The following NBEA variants were observed in gnomAD, a reference collection of about 807,000 sequenced individuals.
The protein encoded by NBEA is lysosomal-trafficking regulator 2.
Under a neutral mutation model 343.4 loss-of-function variants are expected in NBEA, and 44 were observed. The observed-to-expected ratio is 0.13, with a 90% CI of 0.10 to 0.16. The LOEUF is 0.16. Among genes scored for constraint, NBEA ranks in the 10% least tolerant of loss-of-function variants. The pLI is 1.00. For synonymous variants in NBEA, 1,175 were observed against 1,238.7 expected (o/e 0.95, Z 1.08); for missense variants, 2,555 against 3,631.3 (o/e 0.70, Z 7.62).
chr13:35,025,860 G>A (rs1479400032), intron 1 of NBEA, among the ~76,000 whole-genome samples: 1 of 151,966 alleles, frequency 6.6e-6, no homozygotes, highest in African/African-American at 2.4e-5. Context: ...GTTCTTTTCT[G>A]TTTTAATCTG....
chr13:35,431,325 G>A (rs1022035118), intron 38 of NBEA, among the ~76,000 whole-genome samples: 1 of 151,852 alleles, frequency 6.6e-6, no homozygotes, highest in African/African-American at 2.4e-5. Flanking sequence ...GTGCTGCTCT[G>A]GAAAATTAGA....
At position 35,352,199 on chromosome 13, in the gene NBEA, A is replaced by G. The variant is rs2040234443; in HGVS notation, c.6055A>G (p.Lys2019Glu). 2.0e-6 allele frequency: 3 copies of G among 1,535,580 alleles called. No homozygotes were observed. The highest frequency in any genetic ancestry group is 2.6e-6 in the Non-Finnish European group (3 of 1,135,898). Residue 2019 changes from lysine to glutamate, a missense_variant, in exon 38 of 59, where the codon AAG becomes GAG. By Grantham distance (56) the Lys-to-Glu change is moderately conservative. Around this residue, in one of 21 missense-constraint regions of NBEA, gnomAD observed 246 missense variants for 313.7 expected, o/e 0.78. Coordinates refer to ENST00000379939, the MANE Select transcript of NBEA (RefSeq NM_001385012.1). ...TGCTGCTGATAGAAGAGAGGAAGAAAAGATGTGTGACCATCTTATCAGTGC... is the reference window on the plus strand; with the variant it reads ...TGCTGCTGATAGAAGAGAGGAAGAAGAGATGTGTGACCATCTTATCAGTGC... ...QYAADRREEE[K>E]MCDHLISAAK...
chr13:35,226,972 T>C (rs1173376869), intron 33 of NBEA, among the ~76,000 whole-genome samples: 3 of 152,166 alleles, frequency 2.0e-5, no homozygotes, highest in Non-Finnish European at 4.4e-5. Context: ...CAGTAAACTT[T>C]TTACTTATAA....
At position 35,476,327 on chromosome 13, in the gene NBEA, CTG is replaced by C; in HGVS notation, c.6585+3792_6585+3793del. 3 of 1,200,544 alleles carry C rather than the reference CTG, an allele frequency of 2.5e-6. No individual in the cohort carries two copies. The South Asian group carries it at 4.1e-5, about 16-fold the overall frequency. 74.4% of individuals were successfully genotyped at this position (1,200,544 alleles called of 1,614,324 possible). On this transcript the variant is annotated intron_variant, in intron 41 of 58. Transcript: ENST00000379939. ...GCTGCTGCTGCTGCTGCTGCTGCTG[CTG>C]CTGCTGCTGCTGCTGCTGCTGCTGC...
chr13:35,268,680 T>C (rs1329249921), intron 34 of NBEA, among the ~76,000 whole-genome samples: 1 of 152,100 alleles, frequency 6.6e-6, no homozygotes, highest in Non-Finnish European at 1.5e-5. Context: ...CCTCTGAACA[T>C]TATCATTTTG....
chr13:35,425,350 T>C (rs572946607), intron 38 of NBEA, among the ~76,000 whole-genome samples: 3 of 152,334 alleles, frequency 2.0e-5, no homozygotes, highest in African/African-American at 7.2e-5. Flanking sequence ...TGTTGTGTCT[T>C]TGTTCTCATT....
chr13:35,133,883 A>G (rs1314926623), intron 17 of NBEA, among the ~76,000 whole-genome samples: 1 of 152,012 alleles, frequency 6.6e-6, no homozygotes. Flanking sequence ...GTATCCAGAA[A>G]TACTTACTAA....
chr13:35,055,909 C>G, intron 6 of NBEA, 101 bp from the exon 7 acceptor site: 1 of 890,086 alleles, frequency 1.1e-6, no homozygotes, highest in Non-Finnish European at 1.6e-6. Flanking sequence ...CTTAATAGTC[C>G]TGTCAGCATA....
rs754993135 is a variant in NBEA, at chr13:35,232,629, C to T, written c.5776+10C>T. 2 of 1,467,538 alleles carry T rather than the reference C, an allele frequency of 1.4e-6. No homozygotes were observed. The highest frequency in any genetic ancestry group is 1.8e-6 in the Non-Finnish European group (2 of 1,096,280). 90.9% of individuals were successfully genotyped at this position (1,467,538 alleles called of 1,614,324 possible). Reference sequence around the variant, plus strand: ...GAGCTATTGATAGAAGGTATGATTTCTCTATTATAATTATTTTAGTTTCCT... The same window carrying T: ...GAGCTATTGATAGAAGGTATGATTTTTCTATTATAATTATTTTAGTTTCCT... On this transcript the variant is annotated intron_variant, in intron 34 of 58. Transcript: ENST00000379939.
intron 2 of NBEA, 129 bp from the exon 3 acceptor site, chr13:35,044,817 TA>T (rs2062786657): frequency 2.9e-6 from 1 of 348,734 alleles, no homozygotes; most frequent in African/African-American, 2.3e-5. Context: ...ATTAGATACA[TA>T]TATATATATA....
chr13:35,649,892 C>T (rs373476268), intron 52 of NBEA, 45 bp downstream of exon 52: 1 of 1,540,602 alleles, frequency 6.5e-7, no homozygotes, highest in Non-Finnish European at 8.7e-7. Context: ...TTCTTAAAAG[C>T]TACAATTAAA....
At chr13:34,970,496 C>T (rs905859314) in intron 1 of NBEA, among the ~76,000 whole-genome samples, 1 of 151,964 alleles carries the variant, frequency 6.6e-6, no homozygotes, top group Non-Finnish European at 1.5e-5. Context: ...TTGTCTTTCA[C>T]AGTTTTTATA....
intron 31 of NBEA, among the ~76,000 whole-genome samples, chr13:35,207,572 A>G (rs1438458216): frequency 6.6e-6 from 1 of 152,178 alleles, no homozygotes; most frequent in African/African-American, 2.4e-5. Flanking sequence ...AAGTTAGAGA[A>G]GTAGTTTCTT....
At chr13:35,206,076 T>A (rs185809050) in intron 31 of NBEA, among the ~76,000 whole-genome samples, 1 of 152,260 alleles carries the variant, frequency 6.6e-6, no homozygotes, top group African/African-American at 2.4e-5. Context: ...CATCAATTGC[T>A]ATTAATTCAG....
intron 36 of NBEA, among the ~76,000 whole-genome samples, chr13:35,343,158 G>C (rs968398921): frequency 5.9e-5 from 9 of 152,066 alleles, no homozygotes; most frequent in African/African-American, 2.2e-4. Context: ...GAAGAACTAA[G>C]TTGTATGGGT....
chr13:34,978,186 G>T (rs2060243730), intron 1 of NBEA, among the ~76,000 whole-genome samples: 1 of 152,146 alleles, frequency 6.6e-6, no homozygotes, highest in African/African-American at 2.4e-5. Flanking sequence ...AAGTATCAAT[G>T]ATTTCAGGGA....
chr13:35,370,180 T>A (rs776265944), intron 38 of NBEA, among the ~76,000 whole-genome samples: 1 of 151,960 alleles, frequency 6.6e-6, no homozygotes, highest in African/African-American at 2.4e-5. Flanking sequence ...TTAGATAGAA[T>A]AATTTAATAA....
chr13:35,372,883 A>G (rs994736706), intron 38 of NBEA, among the ~76,000 whole-genome samples: 1 of 152,148 alleles, frequency 6.6e-6, no homozygotes, highest in Non-Finnish European at 1.5e-5. Flanking sequence ...GATGTAGTCT[A>G]ATGGAGACTG....
intron 38 of NBEA, among the ~76,000 whole-genome samples, chr13:35,415,097 A>T (rs1451970221): frequency 2.0e-5 from 3 of 152,066 alleles, no homozygotes; most frequent in African/African-American, 7.2e-5. Context: ...TTTGTCTTGT[A>T]AATTTGTTTA....
Sources: gnomAD v4.1 joint callset for allele counts (sites outside exome capture counted in the v4.1 genomes callset) on GRCh38, gnomAD v4.1.1 for gene constraint, gnomAD v4.1.1 regional missense constraint, MANE v1.5 for transcripts, NCBI Gene and HGNC (gene_info 2026-07-23, HGNC 2026-07-21) for gene names.